Variants in CDH10 observed in about 807,000 individuals in gnomAD.
CDH10 encodes cadherin-10.
A neutral mutation model predicts 73.1 loss-of-function variants in CDH10; 30 were observed. The ratio of observed to expected loss-of-function variants is 0.41; its 90% CI spans 0.31 to 0.56. The LOEUF (loss-of-function observed/expected upper bound fraction) is 0.56, where lower values mean the gene tolerates loss of function less well. Ranked by LOEUF, CDH10 falls within the 20% of genes least tolerant of loss-of-function variation. CDH10 has a pLI of 0.27. For missense variants in CDH10, 815 were observed against 973.7 expected, an observed-to-expected ratio of 0.84 and a Z score of 2.17; for synonymous variants, 345 against 348.2, an observed-to-expected ratio of 0.99 and a Z score of 0.10.
chr5:24,565,905 C>G lies in CDH10; in HGVS notation c.231+27355G>C, dbSNP rs550878843. On this transcript the variant is annotated intron_variant, in intron 2 of 11. Transcript: ENST00000264463. ...ACCTTGATCTGGAACTATTAGCCTC[C>G]AGAACAATGAGAAAATAAATTTCTC... Among the ~76,000 whole-genome samples the G allele has an allele frequency of 7.2e-5, 11 of 152,112 alleles. No individual in the cohort carries two copies. The East Asian group carries it at 2.1e-3, about 30-fold the overall frequency.
At chr5:24,530,022 T>A (rs1407018451) in intron 5 of CDH10, among the ~76,000 whole-genome samples, 1 of 145,684 alleles carries the variant, frequency 6.9e-6, no homozygotes, top group Non-Finnish European at 1.5e-5. Context: ...TTTACTTTTT[T>A]TTTTTTTTTT....
intron 5 of CDH10, among the ~76,000 whole-genome samples, chr5:24,515,347 A>G (rs1273872417): frequency 6.6e-6 from 1 of 152,188 alleles, no homozygotes; most frequent in Admixed American, 6.5e-5. Context: ...TCTTATGCAA[A>G]GTGTTCTTGA....
chr5:24,643,770 A>T (rs946014376), intron 1 of CDH10, among the ~76,000 whole-genome samples: 1 of 152,194 alleles, frequency 6.6e-6, no homozygotes, highest in Non-Finnish European at 1.5e-5. Flanking sequence ...TTTTAGTGGC[A>T]TAAAAACAAT....
intron 5 of CDH10, among the ~76,000 whole-genome samples, chr5:24,525,677 G>A (rs1313483539): frequency 1.3e-5 from 2 of 152,132 alleles, no homozygotes; most frequent in Admixed American, 6.6e-5. Context: ...TGAGGCTTTC[G>A]AATTGAAGAT....
At chr5:24,537,237 C>G in intron 3 of CDH10, 143 bp downstream of exon 3, 1 of 553,456 alleles carries the variant, frequency 1.8e-6, no homozygotes, top group Non-Finnish European at 3.1e-6. Context: ...TTCTGATTGT[C>G]TCCTAAAAGA....
chr5:24,563,080 T>C (rs1745019297), intron 2 of CDH10, among the ~76,000 whole-genome samples: 1 of 152,146 alleles, frequency 6.6e-6, no homozygotes, highest in South Asian at 2.1e-4. Flanking sequence ...TCCAATAATA[T>C]CTTGTGTGGT....
intron 3 of CDH10, 145 bp from the exon 4 acceptor site, chr5:24,535,967 G>GAT: frequency 2.1e-6 from 1 of 479,862 alleles, no homozygotes; most frequent in South Asian, 4.9e-5. Flanking sequence ...TGAATATGTA[G>GAT]ATATATAGTG....
At chr5:24,626,255 G>GTAA (rs1174437622) in intron 1 of CDH10, among the ~76,000 whole-genome samples, 7 of 152,078 alleles carry the variant, frequency 4.6e-5, no homozygotes, top group African/African-American at 1.7e-4. Flanking sequence ...TAGGCTTGAA[G>GTAA]TAAACTCTTG....
At chr5:24,524,301 T>C (rs1424467783) in intron 5 of CDH10, among the ~76,000 whole-genome samples, 1 of 152,086 alleles carries the variant, frequency 6.6e-6, no homozygotes, top group Non-Finnish European at 1.5e-5. Context: ...AATAGAAGTA[T>C]CCTACTTTGT....
chr5:24,583,231 A>T (rs1449661146), intron 2 of CDH10, among the ~76,000 whole-genome samples: 1 of 148,718 alleles, frequency 6.7e-6, no homozygotes, highest in African/African-American at 2.5e-5. Flanking sequence ...AGATTCCATT[A>T]ACATCTCACA....
intron 2 of CDH10, among the ~76,000 whole-genome samples, chr5:24,548,957 G>C (rs1257054103): frequency 6.6e-6 from 1 of 152,012 alleles, no homozygotes; most frequent in Non-Finnish European, 1.5e-5. Context: ...TATAAAACAG[G>C]TGGAAAAATA....
At chr5:24,541,009 C>G (rs749904053) in intron 2 of CDH10, among the ~76,000 whole-genome samples, 3 of 151,794 alleles carry the variant, frequency 2.0e-5, no homozygotes, top group Non-Finnish European at 2.9e-5. Flanking sequence ...AAACCTTACA[C>G]TTCTTATGTT....
intron 2 of CDH10, among the ~76,000 whole-genome samples, chr5:24,587,527 T>C (rs1315498115): frequency 6.6e-6 from 1 of 152,190 alleles, no homozygotes; most frequent in Non-Finnish European, 1.5e-5. Flanking sequence ...ATGTGAATTA[T>C]GCAAATATGA....
chr5:24,624,603 A>G (rs1188833909), intron 1 of CDH10, among the ~76,000 whole-genome samples: 1 of 152,172 alleles, frequency 6.6e-6, no homozygotes, highest in African/African-American at 2.4e-5. Flanking sequence ...TATTTCTTAA[A>G]GTAATTTTGT....
intron 3 of CDH10, among the ~76,000 whole-genome samples, chr5:24,537,168 ATATG>A (rs1743984701): frequency 6.6e-6 from 1 of 151,850 alleles, no homozygotes; most frequent in African/African-American, 2.4e-5. Context: ...GTGTCTACCT[ATATG>A]TATTATAAAG....
In CDH10 at chr5:24,604,881, A is replaced by AC. The variant is rs1186141072; in HGVS notation, c.-123-11269_-123-11268insG. 7.6e-4 allele frequency among the ~76,000 whole-genome samples: 114 copies of AC among 150,524 alleles called. 1 individual carries two copies. Among genetic ancestry groups the AC allele is most frequent in the East Asian group, 5.0e-3 (26 of 5,162 alleles). ...AGAGCAAGATGTCTCTAAAAAAAAA[A>AC]AAAAAAAAAAAAAACAAAAACAAAC... On this transcript the variant is annotated intron_variant, in intron 1 of 11. Transcript: ENST00000264463.
chr5:24,581,913 G>A (rs778677640), intron 2 of CDH10, among the ~76,000 whole-genome samples: 4 of 152,020 alleles, frequency 2.6e-5, no homozygotes, highest in Non-Finnish European at 5.9e-5. Flanking sequence ...TACTGATATT[G>A]AGAAAAATGA....
At chr5:24,498,609 C>T (rs971120119) in intron 8 of CDH10, 90 bp from the exon 9 acceptor site, 1 of 793,304 alleles carries the variant, frequency 1.3e-6, no homozygotes, top group African/African-American at 1.7e-5. Context: ...ATGAAGTGCT[C>T]ACATACAAAT....
At chr5:24,636,308 C>T (rs1262067115) in intron 1 of CDH10, among the ~76,000 whole-genome samples, 2 of 151,968 alleles carry the variant, frequency 1.3e-5, no homozygotes, top group Admixed American at 6.6e-5. Flanking sequence ...TAAATCCAGA[C>T]AGTCTGGTGC....
Sources: gnomAD v4.1 joint callset for allele counts (sites outside exome capture counted in the v4.1 genomes callset) on GRCh38, gnomAD v4.1.1 for gene constraint, MANE v1.5 for transcripts, NCBI Gene and HGNC (gene_info 2026-07-23, HGNC 2026-07-21) for gene names.